LCN2: variants seen among roughly 807,000 people sequenced by gnomAD.
The protein encoded by LCN2 is neutrophil gelatinase-associated lipocalin.
A neutral mutation model predicts 26.4 loss-of-function variants in LCN2; 27 were observed. The observed-to-expected ratio is 1.02, with a 90% confidence interval of 0.76 to 1.41. LCN2 has a LOEUF of 1.41. Among genes scored for constraint, LCN2 ranks in the 40% most tolerant of loss-of-function variants. LCN2 has a pLI of 0.00. For synonymous variants in LCN2, 94 were observed against 98.9 expected (o/e 0.95, Z 0.30); for missense variants, 224 against 237.6 (o/e 0.94, Z 0.38).
chr9:128,152,525 C>G (rs749525481), intron 5 of LCN2, among the ~76,000 whole-genome samples: 1 of 152,216 alleles, frequency 6.6e-6, no homozygotes, highest in African/African-American at 2.4e-5. Context: ...TAGCCCGGGT[C>G]TGCCCAGACA....
chr9:128,150,182 G>A, intron 1 of LCN2, 56 bp from the exon 2 acceptor site: 1 of 1,579,480 alleles, frequency 6.3e-7, no homozygotes, highest in African/African-American at 1.3e-5. Context: ...GGACAGAGCT[G>A]GAGGGGTGGC....
At chr9:128,152,103 A>T in intron 4 of LCN2, 78 bp downstream of exon 4, 1 of 1,607,712 alleles carries the variant, frequency 6.2e-7, no homozygotes, top group Non-Finnish European at 8.5e-7. Flanking sequence ...CCCATGAGGA[A>T]GGGATCTGAG....
chr9:128,153,120 G>A lies in LCN2; in HGVS notation c.*1G>A. 7 of 1,614,116 alleles carry A rather than the reference G, an allele frequency of 4.3e-6. No individual in the cohort carries two copies. The highest frequency in any genetic ancestry group is 5.1e-6 in the Non-Finnish European group (6 of 1,180,010). ...AACAGACCAGTGTATCGACGGCTGA[G>A]TGCACAGTGAGTGTGGCTGGGCGGC... On this transcript the variant is annotated 3_prime_UTR_variant, in exon 6 of 7. Transcript: ENST00000277480. This position sits in a 1 kb window ranked among gnomAD's most constrained non-coding sequence, Gnocchi z 5.4.
rs1199940327 is a variant in LCN2, at chr9:128,151,583, G to A, written c.276-55G>A. The A allele has an allele frequency of 4.9e-6, 7 of 1,429,496 alleles. No individual in the cohort carries two copies. The East Asian group carries it at 1.4e-4, about 28-fold the overall frequency. The allele number at this position is 1,429,496 out of a possible 1,614,324, so 88.6% of individuals were successfully genotyped here. On this transcript the variant is annotated intron_variant, in intron 2 of 6. Coordinates refer to ENST00000277480, the MANE Select transcript of LCN2 (RefSeq NM_005564.5). ...CCCTGGCCCCACCTTGTCCAGCACAGGAGGCCCAAGCCTGGGTTGTCTCCC... is the reference window on the plus strand; with the variant it reads ...CCCTGGCCCCACCTTGTCCAGCACAAGAGGCCCAAGCCTGGGTTGTCTCCC...
rs1034260478 is a variant in LCN2 at position 128,153,282 on chromosome 9, C to A, written c.*8-29C>A. ...TCTCGGGTGCCTCCCATTTCCCCAC[C>A]CATCACCCTCATATCCACCTCTGTC... On this transcript the variant is annotated intron_variant, in intron 6 of 6. Transcript: ENST00000277480. This position sits in a 1 kb window ranked among gnomAD's most constrained non-coding sequence, Gnocchi z 5.4. The A allele has an allele frequency of 4.7e-6, 4 of 846,712 alleles. No homozygotes were observed. Among genetic ancestry groups the A allele is most frequent in the South Asian group, 4.3e-5 (3 of 69,046 alleles). 52.4% of individuals were successfully genotyped at this position (846,712 alleles called of 1,614,324 possible).
intron 5 of LCN2, among the ~76,000 whole-genome samples, 181 bp downstream of exon 5, chr9:128,152,465 T>C (rs1398207063): frequency 6.6e-6 from 1 of 152,004 alleles, no homozygotes; most frequent in Non-Finnish European, 1.5e-5. Flanking sequence ...CACCCCAGGG[T>C]CTATGGGACT....
chr9:128,150,402 G>A, intron 2 of LCN2, 28 bp downstream of exon 2: 1 of 1,614,182 alleles, frequency 6.2e-7, no homozygotes, highest in Non-Finnish European at 8.5e-7. Context: ...CTGGGGGTGT[G>A]AGAGTCAGAC....
At position 128,152,295 on chromosome 9, in the gene LCN2, G is replaced by A. The variant is rs1466299495; in HGVS notation, c.577+11G>A. On this transcript the variant is annotated intron_variant, in intron 5 of 6. Transcript: ENST00000277480. ...TCCCTGTCCCAATCGGTAATGGCCA[G>A]TCTGGATGAGGGGACGGGGACATGG... The A allele has an allele frequency of 1.2e-6, 2 of 1,609,886 alleles. No individual in the cohort carries two copies. Among genetic ancestry groups the A allele is most frequent in the African/African-American group, 2.7e-5 (2 of 74,830 alleles).
At chr9:128,150,141 T>C in intron 1 of LCN2, 97 bp from the exon 2 acceptor site, 1 of 1,495,712 alleles carries the variant, frequency 6.7e-7, no homozygotes, top group Non-Finnish European at 9.0e-7. Context: ...GGGCTCATGG[T>C]TCCAAGCTGG....
At position 128,151,647 on chromosome 9, in the gene LCN2, G is replaced by T. The variant is rs745942620; in HGVS notation, c.285G>T (p.Lys95Asn). 6.2e-7 allele frequency: 1 copy of T among 1,614,052 alleles called. No individual in the cohort carries two copies. The highest frequency in any genetic ancestry group is 8.5e-7 in the Non-Finnish European group (1 of 1,179,874). The change falls in exon 3 of 7, where the codon AAG becomes AAT. Residue 95 changes from lysine to asparagine, a missense_variant. Coordinates refer to ENST00000277480, the MANE Select transcript of LCN2 (RefSeq NM_005564.5). ...ATCTCTCCCTCCCAAGGAAAAAGAA[G>T]TGTGACTACTGGATCAGGACTTTTG... ...NVTSVLFRKK[K>N]CDYWIRTFVP...
Position 128,153,186 on chromosome 9 carries a change from G to A in LCN2, c.*7+60G>A. On this transcript the variant is annotated intron_variant, in intron 6 of 6. Transcript: ENST00000277480. The surrounding 1 kb of genome is among the most constrained non-coding windows in gnomAD (Gnocchi z 5.4). ...GGGAGGCCAGGGTGCAGTGGGCTGG[G>A]GGTCTTGGGCCTGCCTTTGCTCATC... 6.2e-7 allele frequency: 1 copy of A among 1,602,250 alleles called. No homozygotes were observed. The highest frequency in any genetic ancestry group is 8.5e-7 in the Non-Finnish European group (1 of 1,170,266).
intron 1 of LCN2, among the ~76,000 whole-genome samples, chr9:128,149,919 G>A (rs1249696173): frequency 6.7e-6 from 1 of 148,694 alleles, no homozygotes; most frequent in Non-Finnish European, 1.5e-5. Context: ...TCCAAAGAAG[G>A]TGGGAGCACT....
In LCN2 at chr9:128,149,544, T is replaced by G; in HGVS notation, c.19T>G (p.Trp7Gly). 1 of 1,613,102 alleles carries G rather than the reference T, an allele frequency of 6.2e-7. No individual in the cohort carries two copies. The highest frequency in any genetic ancestry group is 8.5e-7 in the Non-Finnish European group (1 of 1,179,518). The change falls in exon 1 of 7, where the codon TGG becomes GGG. Residue 7 changes from tryptophan (W) to glycine (G), a missense_variant. Trp to Gly is a radical substitution (Grantham distance 184, BLOSUM62 -2). Transcript: ENST00000277480. MPLGLL[W>G]LGLALLGALH... ...TGAAATCATGCCCCTAGGTCTCCTG[T>G]GGCTGGGCCTAGCCCTGTTGGGGGC...
At position 128,153,127 on chromosome 9, in the gene LCN2, G is replaced by A. The variant is rs772151448; in HGVS notation, c.*7+1G>A. The A allele has an allele frequency of 7.4e-6, 12 of 1,613,998 alleles. No homozygotes were observed. The highest frequency in any genetic ancestry group is 1.7e-6 in the Non-Finnish European group (2 of 1,180,012). On this transcript the variant is annotated splice_donor_variant, in intron 6 of 6. Coordinates refer to ENST00000277480, the MANE Select transcript of LCN2 (RefSeq NM_005564.5). LOFTEE classifies it low-confidence loss of function (3UTR_SPLICE). This position sits in a 1 kb window ranked among gnomAD's most constrained non-coding sequence, Gnocchi z 5.4. ...CAGTGTATCGACGGCTGAGTGCACA[G>A]TGAGTGTGGCTGGGCGGCTGCGAGG...
At position 128,153,090 on chromosome 9, in the gene LCN2, T is replaced by C. The variant is rs1275890025; in HGVS notation, c.578-10T>C. The C allele has an allele frequency of 6.2e-7, 1 of 1,614,042 alleles. No homozygotes were observed. The highest frequency in any genetic ancestry group is 2.2e-5 in the East Asian group (1 of 44,880). ...CAGCTGCCTGTTCTGACGGACTTTC[T>C]CCCTAACAGACCAGTGTATCGACGG... On this transcript the variant is annotated splice_polypyrimidine_tract_variant and intron_variant, in intron 5 of 6. Coordinates refer to ENST00000277480, the MANE Select transcript of LCN2 (RefSeq NM_005564.5). The surrounding 1 kb of genome is among the most constrained non-coding windows in gnomAD (Gnocchi z 5.4).
intron 2 of LCN2, 131 bp downstream of exon 2, chr9:128,150,505 G>A: frequency 1.7e-6 from 2 of 1,158,840 alleles, no homozygotes; most frequent in Non-Finnish European, 2.6e-6. Flanking sequence ...TCCTTCCTCT[G>A]TTCCTTAGAG....
chr9:128,150,609 G>A, intron 2 of LCN2: 1 of 670,220 alleles, frequency 1.5e-6, no homozygotes, highest in Admixed American at 2.1e-5. Flanking sequence ...GAGGAGGGGT[G>A]CCTGGGAGCG....
intron 5 of LCN2, among the ~76,000 whole-genome samples, chr9:128,152,843 C>T (rs1312827795): frequency 1.3e-5 from 2 of 152,172 alleles, no homozygotes; most frequent in Non-Finnish European, 2.9e-5. Context: ...GACCTGGGTG[C>T]CCGAGGAGCC....
At position 128,153,073 on chromosome 9, in the gene LCN2, T is replaced by A; in HGVS notation, c.578-27T>A. 6.2e-7 allele frequency: 1 copy of A among 1,614,034 alleles called. No individual in the cohort carries two copies. The highest frequency in any genetic ancestry group is 1.3e-5 in the African/African-American group (1 of 75,020). On this transcript the variant is annotated intron_variant, in intron 5 of 6. Coordinates refer to ENST00000277480, the MANE Select transcript of LCN2 (RefSeq NM_005564.5). The surrounding 1 kb of genome is among the most constrained non-coding windows in gnomAD (Gnocchi z 5.4). ...ACACGCACACACACACACAGCTGCC[T>A]GTTCTGACGGACTTTCTCCCTAACA...
Sources: allele counts gnomAD v4.1 joint callset (sites outside exome capture counted in the v4.1 genomes callset), GRCh38; gene constraint gnomAD v4.1.1; non-coding constraint Gnocchi (gnomAD v3.1); transcripts MANE v1.5; gene names NCBI Gene and HGNC (gene_info 2026-07-23, HGNC 2026-07-21).